GK5: variants seen among roughly 807,000 people sequenced by gnomAD.
GK5 encodes glycerol kinase 5.
A neutral mutation model predicts 77.3 loss-of-function variants in GK5; 39 were observed. That is an observed-to-expected ratio of 0.50 (90% confidence interval 0.39 to 0.66). The LOEUF (loss-of-function observed/expected upper bound fraction) is 0.66. Ranked by LOEUF, GK5 falls within the 30% of genes least tolerant of loss-of-function variation. The pLI, the probability that GK5 is intolerant of heterozygous loss-of-function variation, is 0.00. For synonymous variants in GK5, 211 were observed against 208.0 expected, an observed-to-expected ratio of 1.01 and a Z score of -0.13; for missense variants, 487 against 633.8, an observed-to-expected ratio of 0.77 and a Z score of 2.49.
At chr3:142,209,621 A>T (rs1358740607) in intron 3 of GK5, among the ~76,000 whole-genome samples, 1 of 152,246 alleles carries the variant, frequency 6.6e-6, no homozygotes, top group East Asian at 1.9e-4. Context: ...GTGGCTCTTA[A>T]TATATTTTAA....
intron 15 of GK5, among the ~76,000 whole-genome samples, chr3:142,167,350 G>T (rs541870280): frequency 1.0e-3 from 153 of 151,812 alleles, no homozygotes; most frequent in African/African-American, 3.6e-3. Context: ...CTCCAGCTTG[G>T]GCTACAGAGT....
Position 142,158,561 on chromosome 3 carries a change from G to C in GK5, c.*7061C>G, listed in dbSNP as rs1489676193. 1 of 152,544 alleles carries C rather than the reference G, an allele frequency of 6.6e-6. No individual in the cohort carries two copies. Among genetic ancestry groups the C allele is most frequent in the Non-Finnish European group, 1.5e-5 (1 of 68,040 alleles). The allele number at this position is 152,544 out of a possible 1,614,324, so 9.4% of individuals were successfully genotyped here. A position where few individuals can be genotyped will look rare whatever the true frequency, so the allele number is the denominator to read the frequency against. On this transcript the variant is annotated 3_prime_UTR_variant, in exon 16 of 16. Coordinates refer to ENST00000392993, the MANE Select transcript of GK5 (RefSeq NM_001039547.3). Reference sequence around the variant, plus strand: ...TGTATAGATCTTAACAATGATTTATGAGGTTCTCAATGACAATTTAATAAA... The same window carrying C: ...TGTATAGATCTTAACAATGATTTATCAGGTTCTCAATGACAATTTAATAAA...
At chr3:142,201,178 A>G (rs1036965832) in intron 4 of GK5, among the ~76,000 whole-genome samples, 3 of 152,216 alleles carry the variant, frequency 2.0e-5, no homozygotes, top group Admixed American at 6.5e-5. Context: ...TATACAAAGA[A>G]CGTTCATAAA....
chr3:142,209,709 T>C lies in GK5; in HGVS notation c.317+3817A>G, dbSNP rs76956447. ...AAATCTATTTTGTGCAATGGGAATA[T>C]AGAGTAATTTGTGTACCTATATAAT... On this transcript the variant is annotated intron_variant, in intron 3 of 15. Transcript: ENST00000392993. Among the ~76,000 whole-genome samples the C allele has an allele frequency of 6.0e-3, 919 of 152,346 alleles. 31 individuals carry two copies. The East Asian group carries it at 0.11, about 19-fold the overall frequency.
Position 142,182,985 on chromosome 3 carries a change from G to T in GK5, c.881C>A (p.Thr294Asn), listed in dbSNP as rs1408961819. 5 of 1,612,926 alleles carry T rather than the reference G, an allele frequency of 3.1e-6. No individual in the cohort carries two copies. Among genetic ancestry groups the T allele is most frequent in the Non-Finnish European group, 4.2e-6 (5 of 1,179,030 alleles). The change falls in exon 10 of 16, where the codon ACC becomes AAC. Residue 294 changes from threonine to asparagine, a missense_variant. By Grantham distance (65) the Thr-to-Asn change is moderately conservative (BLOSUM62 0). This residue lies in a region of GK5 where 323 missense variants were observed against 437.4 expected (regional missense o/e 0.74). Transcript: ENST00000392993. The part of the protein sequence containing the change: ...CCFQTGDVKL[T>N]MGTGTFLDIN... ...ATCCAAAAATGTCCCAGTTCCCATG[G>T]TTAATTTCACATCACCTGTCTGGAA...
rs2063444401 is a variant in GK5 at position 142,163,720 on chromosome 3, G to C, written c.*1902C>G. ...CTATGAAATTACACCCATTGGCTGG[G>C]TGCAGTGGTTCACGGCTGCAATCCC... is the stretch of plus-strand genomic sequence containing the variant. On this transcript the variant is annotated 3_prime_UTR_variant, in exon 16 of 16. Coordinates refer to ENST00000392993, the MANE Select transcript of GK5 (RefSeq NM_001039547.3). 6.6e-6 allele frequency: 1 copy of C among 152,068 alleles called. No homozygotes were observed. 9.4% of individuals were successfully genotyped at this position (152,068 alleles called of 1,614,324 possible). A position where few individuals can be genotyped will look rare whatever the true frequency, so the allele number is the denominator to read the frequency against.
At chr3:142,177,413 T>C in intron 12 of GK5, 69 bp downstream of exon 12, 1 of 830,424 alleles carries the variant, frequency 1.2e-6, no homozygotes, top group Non-Finnish European at 2.0e-6. Flanking sequence ...GAATGGTAGA[T>C]ATATAAGTTT....
At chr3:142,207,800 G>A (rs926569228) in intron 3 of GK5, among the ~76,000 whole-genome samples, 3 of 152,186 alleles carry the variant, frequency 2.0e-5, no homozygotes, top group Admixed American at 6.5e-5. Flanking sequence ...GGAACAAAGA[G>A]AGAGCCCCGT....
At chr3:142,180,793 G>T (rs2063686147) in intron 11 of GK5, among the ~76,000 whole-genome samples, 1 of 152,174 alleles carries the variant, frequency 6.6e-6, no homozygotes, top group South Asian at 2.1e-4. Flanking sequence ...GAGTCAAAAG[G>T]TACCAGGGAG....
chr3:142,160,514 A>C lies in GK5; in HGVS notation c.*5108T>G, dbSNP rs1279274824. 1 of 152,110 alleles carries C rather than the reference A, an allele frequency of 6.6e-6. No homozygotes were observed. Among genetic ancestry groups the C allele is most frequent in the Non-Finnish European group, 1.5e-5 (1 of 68,034 alleles). The allele number at this position is 152,110 out of a possible 1,614,324, so 9.4% of individuals were successfully genotyped here. On this transcript the variant is annotated 3_prime_UTR_variant, in exon 16 of 16. Transcript: ENST00000392993. ...AAATTAAAGACTGGTCCCTTACAGG[A>C]GGGGCTATTTATGAAGTTCCTTCCC...
chr3:142,177,831 T>C (rs113935305), intron 11 of GK5, among the ~76,000 whole-genome samples: 12,123 of 151,704 alleles, frequency 0.08, 574 homozygotes, highest in Middle Eastern at 0.12. Flanking sequence ...ATAGGCTCTG[T>C]ATGCAGCAGG....
Position 142,158,493 on chromosome 3 carries a change from A to T in GK5, c.*7129T>A, listed in dbSNP as rs2063399771. On this transcript the variant is annotated 3_prime_UTR_variant, in exon 16 of 16. Transcript: ENST00000392993. Reference sequence around the variant, plus strand: ...ACAAAAAGGGAAGGGAAAAATTCATATGCAGATGAAAAATATTCTATTACT... The same window carrying T: ...ACAAAAAGGGAAGGGAAAAATTCATTTGCAGATGAAAAATATTCTATTACT... 1 of 152,656 alleles carries T rather than the reference A, an allele frequency of 6.6e-6. No homozygotes were observed. Among genetic ancestry groups the T allele is most frequent in the Non-Finnish European group, 1.5e-5 (1 of 68,036 alleles). 9.5% of individuals were successfully genotyped at this position (152,656 alleles called of 1,614,324 possible).
At chr3:142,176,941 G>A (rs1024778636) in intron 12 of GK5, among the ~76,000 whole-genome samples, 56 of 152,210 alleles carry the variant, frequency 3.7e-4, no homozygotes, top group African/African-American at 4.8e-5. Flanking sequence ...GATTATAGGC[G>A]TGAGCCACCG....
chr3:142,197,215 G>A (rs1197848104), intron 5 of GK5, among the ~76,000 whole-genome samples: 3 of 151,884 alleles, frequency 2.0e-5, no homozygotes, highest in African/African-American at 7.3e-5. Context: ...AAAGAAAGTG[G>A]GGTACTGAAG....
Position 142,198,815 on chromosome 3 carries a change from T to C in GK5, c.530A>G (p.Gln177Arg), listed in dbSNP as rs2063973986. The stretch of plus-strand genomic sequence containing the variant: ...GTATTTTCTTACCTCAGTCAAGTTC[T>C]GTAAAATCCAGACCAATCTCAAAGA... Reference protein sequence around the residue: ...QTSLRLVWILQNLTEVQKAVE... With the variant: ...QTSLRLVWILRNLTEVQKAVE... The change falls in exon 5 of 16, where the codon CAG becomes CGG. Residue 177 changes from glutamine to arginine, a missense_variant. Around this residue, in one of 4 missense-constraint regions of GK5, gnomAD observed 323 missense variants for 437.4 expected, o/e 0.74. Transcript: ENST00000392993. The C allele has an allele frequency of 1.2e-6, 2 of 1,610,278 alleles. No homozygotes were observed. The highest frequency in any genetic ancestry group is 1.1e-5 in the South Asian group (1 of 90,116).
intron 9 of GK5, 187 bp downstream of exon 9, chr3:142,185,742 T>TC: frequency 6.5e-7 from 1 of 1,546,714 alleles, no homozygotes; most frequent in Non-Finnish European, 8.7e-7. Context: ...GGCTCAATGG[T>TC]CCCCTTCCCA....
At chr3:142,202,436 C>T (rs1467186316) in intron 4 of GK5, among the ~76,000 whole-genome samples, 2 of 152,108 alleles carry the variant, frequency 1.3e-5, no homozygotes, top group Non-Finnish European at 2.9e-5. Flanking sequence ...TTCCAAAGGC[C>T]ACAATCAAAC....
chr3:142,204,634 T>G (rs1201798631), intron 4 of GK5, 61 bp downstream of exon 4: 3 of 904,648 alleles, frequency 3.3e-6, no homozygotes, highest in South Asian at 2.7e-5. Flanking sequence ...ATAATACAAT[T>G]AAGGGACATT....
rs1161704184 is a variant in GK5, at chr3:142,184,260, C to CAAAAAAAAAAAAAAAAAA, written c.817-1229_817-1212dup. On this transcript the variant is annotated intron_variant, in intron 9 of 15. Coordinates refer to ENST00000392993, the MANE Select transcript of GK5 (RefSeq NM_001039547.3). ...TGGGCGACAGAGTGAGACTCTGTCT[C>CAAAAAAAAAAAAAAAAAA]AAAAAAAAAAAAAAAAAAAAAAAAA... is the stretch of plus-strand genomic sequence containing the variant. 1.6e-3 allele frequency among the ~76,000 whole-genome samples: 17 copies of CAAAAAAAAAAAAAAAAAA among 10,668 alleles called. 1 individual carries two copies. The highest frequency in any genetic ancestry group is 2.3e-3 in the Admixed American group (2 of 862). 7.0% of individuals were successfully genotyped at this position (10,668 alleles called of 152,430 possible).
Sources: allele counts gnomAD v4.1 joint callset (sites outside exome capture counted in the v4.1 genomes callset), GRCh38; gene constraint gnomAD v4.1.1; regional missense constraint gnomAD v4.1.1; transcripts MANE v1.5; gene names NCBI Gene and HGNC (gene_info 2026-07-23, HGNC 2026-07-21).